DNAH6: variants seen among roughly 807,000 people sequenced by gnomAD.
DNAH6 encodes axonemal beta dynein heavy chain 6.
A neutral mutation model predicts 491.4 loss-of-function variants in DNAH6; 340 were observed. The observed-to-expected ratio is 0.69, with a 90% CI of 0.63 to 0.76. DNAH6 has a LOEUF of 0.76. Among genes scored for constraint, DNAH6 ranks in the 30% least tolerant of loss-of-function variants. DNAH6 has a pLI of 0.00. For missense variants in DNAH6, 4,443 were observed against 4,972.2 expected, an observed-to-expected ratio of 0.89 and a Z score of 3.20; for synonymous variants, 1,603 against 1,686.1, an observed-to-expected ratio of 0.95 and a Z score of 1.21.
chr2:84,621,767 G>A (rs1247310056), intron 26 of DNAH6, among the ~76,000 whole-genome samples: 2 of 152,062 alleles, frequency 1.3e-5, no homozygotes, highest in Admixed American at 6.5e-5. Flanking sequence ...GTGAATACTT[G>A]TGAAAATAGG....
At chr2:84,478,453 G>C in the DNAH6 span, among the ~76,000 whole-genome samples, 6 of 152,300 alleles carry the variant, frequency 3.9e-5, no homozygotes, top group South Asian at 2.1e-4. Context: ...TTGGAATCCA[G>C]TGACAGTTTG....
At chr2:84,662,483 G>A (rs1004592807) in intron 37 of DNAH6, among the ~76,000 whole-genome samples, 16 of 152,178 alleles carry the variant, frequency 1.1e-4, no homozygotes, top group Non-Finnish European at 2.2e-4. Flanking sequence ...AGGGTCCCAC[G>A]CCCACAGATC....
At position 84,701,223 on chromosome 2, in the gene DNAH6, G is replaced by A. The variant is rs1695868202; in HGVS notation, c.7945G>A (p.Ala2649Thr). The A allele has an allele frequency of 6.4e-7, 1 of 1,551,752 alleles. No individual in the cohort carries two copies. Among genetic ancestry groups the A allele is most frequent in the Non-Finnish European group, 8.7e-7 (1 of 1,147,012 alleles). The change falls in exon 49 of 77, where the codon GCA (alanine) becomes ACA (threonine). Residue 2649 changes from alanine (A) to threonine (T), a missense_variant. Physicochemically the swap from Ala to Thr is moderately conservative, Grantham distance 58 (BLOSUM62 0). This residue lies in a region of DNAH6 where 2,977 missense variants were observed against 3,296.6 expected (regional missense o/e 0.90). Transcript: ENST00000389394. Reference sequence around the variant, plus strand: ...CGTTCACTTGAGTGTCTCCAGCATGGCAGAGCGCTATTACAATGAGCTGCG... The same window carrying A: ...CGTTCACTTGAGTGTCTCCAGCATGACAGAGCGCTATTACAATGAGCTGCG... ...VNVHLSVSSM[A>T]ERYYNELRRR... is the part of the protein sequence containing the mutation.
intron 62 of DNAH6, among the ~76,000 whole-genome samples, chr2:84,739,616 C>T (rs1428476687): frequency 6.6e-6 from 1 of 152,140 alleles, no homozygotes; most frequent in Non-Finnish European, 1.5e-5. Flanking sequence ...GAAAGTCTTT[C>T]TTTTGCCTGG....
chr2:84,552,646 A>G (rs1030069892), intron 9 of DNAH6, among the ~76,000 whole-genome samples: 4 of 152,258 alleles, frequency 2.6e-5, no homozygotes, highest in Admixed American at 2.6e-4. Context: ...TATCTTCTAT[A>G]TACATTATTG....
intron 68 of DNAH6, among the ~76,000 whole-genome samples, chr2:84,788,516 C>A (rs1375952098): frequency 2.0e-5 from 3 of 152,054 alleles, no homozygotes; most frequent in Non-Finnish European, 4.4e-5. Flanking sequence ...ATGGCAAGAA[C>A]AATCTTGAAA....
At chr2:84,734,609 A>C (rs1699390902) in intron 62 of DNAH6, among the ~76,000 whole-genome samples, 1 of 152,180 alleles carries the variant, frequency 6.6e-6, no homozygotes, top group African/African-American at 2.4e-5. Flanking sequence ...TCTTGAATGC[A>C]AGGTTCCATA....
intron 4 of DNAH6, among the ~76,000 whole-genome samples, chr2:84,533,825 T>C (rs917278746): frequency 2.0e-5 from 3 of 152,138 alleles, no homozygotes; most frequent in African/African-American, 7.2e-5. Flanking sequence ...AGTGAAATGA[T>C]CAAGAAATTC....
At chr2:84,557,034 T>G (rs1200992308) in intron 10 of DNAH6, among the ~76,000 whole-genome samples, 1 of 152,242 alleles carries the variant, frequency 6.6e-6, no homozygotes, top group Non-Finnish European at 1.5e-5. Flanking sequence ...AATCTTTGTT[T>G]ACACGTCTAT....
At chr2:84,569,161 A>G (rs974350974) in intron 11 of DNAH6, among the ~76,000 whole-genome samples, 4 of 152,158 alleles carry the variant, frequency 2.6e-5, no homozygotes, top group African/African-American at 4.8e-5. Context: ...TGAATAATCT[A>G]TGGTATATCT....
At chr2:84,669,558 T>C in intron 38 of DNAH6, 48 bp downstream of exon 38, 1 of 1,454,350 alleles carries the variant, frequency 6.9e-7, no homozygotes, top group Non-Finnish European at 9.4e-7. Flanking sequence ...TGTGAGGGCA[T>C]GATGGACTTA....
At chr2:84,652,390 A>G (rs1690536505) in intron 33 of DNAH6, among the ~76,000 whole-genome samples, 1 of 152,018 alleles carries the variant, frequency 6.6e-6, no homozygotes, top group Non-Finnish European at 1.5e-5. Context: ...ATTTATAATT[A>G]TTATTCTTGG....
intron 11 of DNAH6, among the ~76,000 whole-genome samples, chr2:84,565,010 A>G (rs1163377995): frequency 6.6e-6 from 1 of 152,124 alleles, no homozygotes; most frequent in Non-Finnish European, 1.5e-5. Flanking sequence ...TGCATATGTT[A>G]AAACAGCTTT....
chr2:84,731,870 T>G (rs922656732), intron 61 of DNAH6, among the ~76,000 whole-genome samples: 1 of 152,172 alleles, frequency 6.6e-6, no homozygotes, highest in African/African-American at 2.4e-5. Flanking sequence ...GGCCCAAATT[T>G]GAATGTTTTA....
At chr2:84,715,756 A>G in intron 58 of DNAH6, 129 bp downstream of exon 58, 1 of 845,488 alleles carries the variant, frequency 1.2e-6, no homozygotes, top group Non-Finnish European at 1.8e-6. Context: ...TAATCAAAAA[A>G]AAATACAAGT....
rs554323370 is a variant in DNAH6, at chr2:84,678,744, G to A, written c.6744+1608G>A. Among the ~76,000 whole-genome samples the A allele has an allele frequency of 2.0e-5, 3 of 152,254 alleles. No individual in the cohort carries two copies. In the South Asian group the frequency reaches 6.2e-4, roughly 32 times the overall value. On this transcript the variant is annotated intron_variant, in intron 41 of 76. Coordinates refer to ENST00000389394, the MANE Select transcript of DNAH6 (RefSeq NM_001370.2). ...CACATCATAGCTAAAAACTGGCTGT[G>A]ATAAGGCTGCTTCTTCCCACTGTAA...
In DNAH6 at chr2:84,699,724, G is replaced by A. The variant is rs1234699409; in HGVS notation, c.7808G>A (p.Trp2603Ter). The A allele has an allele frequency of 1.3e-6, 2 of 1,550,678 alleles. No individual in the cohort carries two copies. The highest frequency in any genetic ancestry group is 1.7e-6 in the Non-Finnish European group (2 of 1,146,736). ...PSLVNCCTID[W>*]FVQWPREALL... ...CTTGTGAATTGCTGCACCATTGACT[G>A]GTTTGTGCAGGTTGGTGACATCCCA... Residue 2603 changes from tryptophan (W) to a stop codon, truncating the protein, a stop_gained, in exon 48 of 77, where the codon TGG becomes TAG. Coordinates refer to ENST00000389394, the MANE Select transcript of DNAH6 (RefSeq NM_001370.2). LOFTEE classifies it high-confidence loss of function.
intron 63 of DNAH6, among the ~76,000 whole-genome samples, chr2:84,752,446 C>A (rs141078039): frequency 6.6e-6 from 1 of 152,268 alleles, no homozygotes; most frequent in East Asian, 1.9e-4. Context: ...GTAGTAACAA[C>A]AATTCTAACA....
intron 29 of DNAH6, among the ~76,000 whole-genome samples, chr2:84,632,542 C>G (rs1688505092): frequency 6.6e-6 from 1 of 152,174 alleles, no homozygotes; most frequent in South Asian, 2.1e-4. Flanking sequence ...TCCTTTAAAA[C>G]TGTTCAAAAG....
Sources: gnomAD v4.1 joint callset for allele counts (sites outside exome capture counted in the v4.1 genomes callset) on GRCh38, gnomAD v4.1.1 for gene constraint, gnomAD v4.1.1 regional missense constraint, MANE v1.5 for transcripts, NCBI Gene and HGNC (gene_info 2026-07-23, HGNC 2026-07-21) for gene names.